Variants in SLC25A53 observed in about 807,000 individuals in gnomAD.
The protein encoded by SLC25A53 is mitochondrial carrier triple repeat protein 6.
A neutral mutation model predicts 15.0 loss-of-function variants in SLC25A53; 5 were observed. The ratio of observed to expected loss-of-function variants is 0.33; its 90% CI spans 0.17 to 0.70. SLC25A53 has a LOEUF of 0.70. SLC25A53 is among the 30% of genes least tolerant of loss of function. The probability of loss-of-function intolerance (pLI) is 0.67; values close to 1 mark genes in which losing one functional copy is unlikely to be tolerated. For synonymous variants in SLC25A53, 95 were observed against 100.0 expected (o/e 0.95, Z 0.30); for missense variants, 216 against 241.6 (o/e 0.89, Z 0.70).
chrX:104,121,896 T>G (rs1342595194), intron 1 of SLC25A53, among the ~76,000 whole-genome samples: 3 of 23,245 alleles, frequency 1.3e-4, no homozygotes, highest in African/African-American at 4.1e-4. Context: ...TATATATATA[T>G]ATATATATAT....
chrX:104,138,047 A>G (rs1362677304), intron 1 of SLC25A53, among the ~76,000 whole-genome samples: 4 of 111,789 alleles, frequency 3.6e-5, no homozygotes, highest in African/African-American at 9.8e-5. Flanking sequence ...TTTTGACCAC[A>G]CTCACACGGT....
intron 1 of SLC25A53, among the ~76,000 whole-genome samples, chrX:104,122,174 G>A (rs2075396565): frequency 9.4e-6 from 1 of 106,860 alleles, no homozygotes; most frequent in Admixed American, 1.0e-4. Flanking sequence ...CCATTTTAAA[G>A]TGTACAATTC....
At chrX:104,142,917 T>C (rs1188693428) in intron 1 of SLC25A53, among the ~76,000 whole-genome samples, 2 of 78,368 alleles carry the variant, frequency 2.6e-5, no homozygotes, top group Non-Finnish European at 4.6e-5. Context: ...CGAGACTCCA[T>C]CTCAAAAAAA....
chrX:104,143,298 C>T (rs2075456414), intron 1 of SLC25A53, among the ~76,000 whole-genome samples: 1 of 111,522 alleles, frequency 9.0e-6, no homozygotes, highest in Admixed American at 9.6e-5. Flanking sequence ...TAATAACGAA[C>T]TCCTCCAAGC....
chrX:104,148,801 G>A (rs1337344490), intron 1 of SLC25A53, among the ~76,000 whole-genome samples: 1 of 111,629 alleles, frequency 9.0e-6, no homozygotes, highest in Non-Finnish European at 1.9e-5. Context: ...CCTGCACGTT[G>A]TGCACATGTA....
chrX:104,111,698 A>G (rs1258964574), intron 1 of SLC25A53, among the ~76,000 whole-genome samples: 1 of 110,720 alleles, frequency 9.0e-6, no homozygotes, highest in African/African-American at 3.3e-5. Flanking sequence ...CCTGTGCAAA[A>G]ATACTCTCCA....
At chrX:104,151,663 T>C (rs2075485053) in intron 1 of SLC25A53, among the ~76,000 whole-genome samples, 1 of 111,744 alleles carries the variant, frequency 8.9e-6, no homozygotes, top group African/African-American at 3.3e-5. Flanking sequence ...CATCTGAACT[T>C]GAATTCTGGA....
chrX:104,152,480 C>G (rs1556370541), intron 1 of SLC25A53, among the ~76,000 whole-genome samples: 3 of 110,619 alleles, frequency 2.7e-5, no homozygotes, highest in Admixed American at 1.9e-4. Context: ...TCTTGCCGCC[C>G]AGGCTGGAGT....
chrX:104,127,499 AT>A (rs1556364683), intron 1 of SLC25A53, among the ~76,000 whole-genome samples: 1 of 111,946 alleles, frequency 8.9e-6, no homozygotes, highest in East Asian at 2.8e-4. Context: ...AATGGTGGAA[AT>A]TAGGTCTATA....
chrX:104,150,919 G>A (rs2147881685), intron 1 of SLC25A53, among the ~76,000 whole-genome samples: 1 of 111,530 alleles, frequency 9.0e-6, no homozygotes, highest in South Asian at 3.8e-4. Context: ...TCTTGGGCTA[G>A]AGGGCAGTGA....
chrX:104,105,133 G>C lies in SLC25A53; in HGVS notation c.125C>G (p.Thr42Ser). 25 of 1,212,278 alleles carry C rather than the reference G, an allele frequency of 2.1e-5. No homozygotes were observed. The highest frequency in any genetic ancestry group is 2.8e-5 in the Non-Finnish European group (25 of 895,629). Residue 42 changes from threonine (T) to serine (S), a missense_variant, in exon 2 of 2, where the codon ACT (threonine) becomes AGT (serine). Coordinates refer to ENST00000594199, the MANE Select transcript of SLC25A53 (RefSeq NM_001012755.5). Reference sequence around the variant, plus strand: ...CTTATAGATAGGAAAGGTCAGAAAAGTAGACATAAAGTTGGAAACGGCCCC... The same window carrying C: ...CTTATAGATAGGAAAGGTCAGAAAACTAGACATAAAGTTGGAAACGGCCCC... ...ALGAVSNFMS[T>S]FLTFPIYKVV...
At chrX:104,134,592 AT>A (rs2075432487) in intron 1 of SLC25A53, among the ~76,000 whole-genome samples, 1 of 111,847 alleles carries the variant, frequency 8.9e-6, no homozygotes. Context: ...TAGGCATAAA[AT>A]GATGTTAATG....
In SLC25A53 at chrX:104,138,744, G is replaced by A. The variant is rs782684189; in HGVS notation, c.-32+18134C>T. Among the ~76,000 whole-genome samples, 7 of 111,995 alleles carry A rather than the reference G, an allele frequency of 6.3e-5. No individual in the cohort carries two copies. The East Asian group carries it at 2.0e-3, about 32-fold the overall frequency. On this transcript the variant is annotated intron_variant, in intron 1 of 1. Coordinates refer to ENST00000594199, the MANE Select transcript of SLC25A53 (RefSeq NM_001012755.5). ...CCAGAAGGGAGATGGTTTTCCTCTG[G>A]AGTCAGGCTGCTTGCGGCCCAGGTT...
Position 104,104,900 on chromosome X carries a change from C to T in SLC25A53, c.358G>A (p.Ala120Thr). The T allele has an allele frequency of 4.1e-6, 5 of 1,211,856 alleles. No individual in the cohort carries two copies. Among genetic ancestry groups the T allele is most frequent in the Non-Finnish European group, 5.6e-6 (5 of 895,592 alleles). Residue 120 changes from alanine to threonine, a missense_variant, in exon 2 of 2, where the codon GCC (alanine) becomes ACC (threonine). Coordinates refer to ENST00000594199, the MANE Select transcript of SLC25A53 (RefSeq NM_001012755.5). ...TCCACCACGCCAGACATGAGCCCGG[C>T]AGCCCAGCGGTGTCCCAGGGTGTGT... ...GPHTLGHRWA[A>T]GLMSGVVEAV...
intron 1 of SLC25A53, among the ~76,000 whole-genome samples, chrX:104,120,426 T>C (rs1556362484): frequency 8.9e-6 from 1 of 112,236 alleles, no homozygotes; most frequent in African/African-American, 3.2e-5. Flanking sequence ...ACGTCTATTA[T>C]TACATTTAGT....
rs1346210496 is a variant in SLC25A53 at position 104,100,373 on chromosome X, A to G, written c.*3961T>C. On this transcript the variant is annotated 3_prime_UTR_variant, in exon 2 of 2. Coordinates refer to ENST00000594199, the MANE Select transcript of SLC25A53 (RefSeq NM_001012755.5). ...AATTGTATATTTTATGTGTTTAAAC[A>G]GATATAGATATTTATTACCTCCTTA... is the stretch of plus-strand genomic sequence containing the variant. The G allele has an allele frequency of 8.9e-6, 1 of 111,879 alleles. No homozygotes were observed. Among genetic ancestry groups the G allele is most frequent in the Non-Finnish European group, 1.9e-5 (1 of 53,174 alleles). The allele number at this position is 111,879 out of a possible 1,213,427, so 9.2% of individuals were successfully genotyped here.
At chrX:104,137,826 A>G (rs1249185423) in intron 1 of SLC25A53, among the ~76,000 whole-genome samples, 1 of 111,530 alleles carries the variant, frequency 9.0e-6, no homozygotes, top group African/African-American at 3.3e-5. Context: ...TGGGTTTGCA[A>G]CTGTTCACTG....
At chrX:104,133,702 C>G (rs2075430676) in intron 1 of SLC25A53, among the ~76,000 whole-genome samples, 1 of 111,261 alleles carries the variant, frequency 9.0e-6, no homozygotes, top group Non-Finnish European at 1.9e-5. Context: ...ACCATTTGGG[C>G]CACAGAGTCA....
At chrX:104,121,364 A>C (rs189761112) in intron 1 of SLC25A53, among the ~76,000 whole-genome samples, 1 of 112,197 alleles carries the variant, frequency 8.9e-6, no homozygotes, top group Non-Finnish European at 1.9e-5. Context: ...CACTGTTATA[A>C]ACCCACTGAG....
Sources: allele counts gnomAD v4.1 joint callset (sites outside exome capture counted in the v4.1 genomes callset), GRCh38; gene constraint gnomAD v4.1.1; transcripts MANE v1.5; gene names NCBI Gene and HGNC (gene_info 2026-07-23, HGNC 2026-07-21).